TC2N: variants seen among roughly 807,000 people sequenced by gnomAD.
TC2N encodes the protein tandem C2 domains, nuclear, also known as tandem C2 domains nuclear protein.
Under a neutral mutation model 61.9 loss-of-function variants are expected in TC2N, and 51 were observed. The ratio of observed to expected loss-of-function variants is 0.82; its 90% CI spans 0.66 to 1.04. The LOEUF (loss-of-function observed/expected upper bound fraction) is 1.04, where lower values mean the gene tolerates loss of function less well. Ranked by LOEUF, TC2N falls within the 50% of genes least tolerant of loss-of-function variation. The pLI is 0.00. For missense variants in TC2N, 556 were observed against 566.7 expected (o/e 0.98, Z 0.19); for synonymous variants, 204 against 192.6 (o/e 1.06, Z -0.49).
chr14:91,853,458 T>C (rs1479083136), intron 1 of TC2N, among the ~76,000 whole-genome samples: 1 of 152,110 alleles, frequency 6.6e-6, no homozygotes, highest in Non-Finnish European at 1.5e-5. Flanking sequence ...CAAGACTCAA[T>C]AGTAGATGGT....
chr14:91,795,355 T>C (rs1465451441), intron 8 of TC2N, among the ~76,000 whole-genome samples: 3 of 152,132 alleles, frequency 2.0e-5, no homozygotes, highest in Admixed American at 6.5e-5. Context: ...TAAAATGCTA[T>C]CAAACAGCAT....
intron 2 of TC2N, among the ~76,000 whole-genome samples, chr14:91,813,137 A>G (rs1346883723): frequency 6.6e-6 from 1 of 151,816 alleles, no homozygotes; most frequent in African/African-American, 2.4e-5. Flanking sequence ...GCTCTGCTGT[A>G]GATTAGGAAA....
intron 7 of TC2N, 127 bp from the exon 8 acceptor site, chr14:91,798,028 T>C (rs753631762): frequency 3.2e-6 from 2 of 631,162 alleles, no homozygotes; most frequent in Non-Finnish European, 5.4e-6. Context: ...TGAGACCTCA[T>C]GTTGCATCCA....
intron 1 of TC2N, among the ~76,000 whole-genome samples, chr14:91,840,828 T>C (rs1286074090): frequency 6.6e-6 from 1 of 151,474 alleles, no homozygotes; most frequent in African/African-American, 2.4e-5. Context: ...CCTGGATAAC[T>C]GTTACCCACT....
chr14:91,822,743 C>G (rs1392978350), intron 1 of TC2N, among the ~76,000 whole-genome samples: 3 of 134,622 alleles, frequency 2.2e-5, no homozygotes, highest in Admixed American at 1.7e-4. Context: ...GAGACAGTGT[C>G]TCGCTCTGTC....
In TC2N at chr14:91,811,150, C is replaced by T. The variant is rs17127599; in HGVS notation, c.301+1162G>A. On this transcript the variant is annotated intron_variant, in intron 3 of 11. Coordinates refer to ENST00000435962, the MANE Select transcript of TC2N (RefSeq NM_001128596.3). ...CAAAAGAAGAAAACTGTAAAGAGAT[C>T]GTTGAACCCAGTAAATGATATATAT... Among the ~76,000 whole-genome samples the T allele has an allele frequency of 7.9e-3, 1,203 of 152,134 alleles. 22 individuals carry two copies. Among genetic ancestry groups the T allele is most frequent in the African/African-American group, 0.028 (1,143 of 41,526 alleles).
Position 91,781,877 on chromosome 14 carries a change from G to C in TC2N, c.*1223C>G, listed in dbSNP as rs1885148397. On this transcript the variant is annotated 3_prime_UTR_variant, in exon 12 of 12. Transcript: ENST00000435962. Reference sequence around the variant, plus strand: ...GAACATAGGAGCTGGAATAAAGAAGGCATGCTTAGGTTATAGCAAGGTATA... The same window carrying C: ...GAACATAGGAGCTGGAATAAAGAAGCCATGCTTAGGTTATAGCAAGGTATA... 1 of 151,994 alleles carries C rather than the reference G, an allele frequency of 6.6e-6. No individual in the cohort carries two copies. Among genetic ancestry groups the C allele is most frequent in the Non-Finnish European group, 1.5e-5 (1 of 67,930 alleles). The allele number at this position is 151,994 out of a possible 1,614,324, so 9.4% of individuals were successfully genotyped here. A position where few individuals can be genotyped will look rare whatever the true frequency, so the allele number is the denominator to read the frequency against.
intron 3 of TC2N, among the ~76,000 whole-genome samples, chr14:91,809,490 CAAAACT>C (rs1886671113): frequency 6.6e-6 from 1 of 151,962 alleles, no homozygotes; most frequent in African/African-American, 2.4e-5. Flanking sequence ...AACTCTAGAC[CAAAACT>C]AAAACAAAGC....
chr14:91,801,932 T>C (rs1213951288), intron 4 of TC2N, among the ~76,000 whole-genome samples: 1 of 152,158 alleles, frequency 6.6e-6, no homozygotes, highest in Admixed American at 6.5e-5. Context: ...ATATCCACTC[T>C]CTTAGCACTT....
intron 1 of TC2N, among the ~76,000 whole-genome samples, chr14:91,819,927 GATAAAATGGA>G (rs1259608698): frequency 6.6e-6 from 1 of 151,670 alleles, no homozygotes; most frequent in Non-Finnish European, 1.5e-5. Context: ...CAACAAAGGA[GATAAAATGGA>G]ATAATTTTAA....
intron 9 of TC2N, among the ~76,000 whole-genome samples, chr14:91,791,314 C>T (rs546472434): frequency 9.9e-5 from 15 of 151,944 alleles, no homozygotes; most frequent in African/African-American, 3.6e-4. Flanking sequence ...TTTTAAAGCT[C>T]CCAGATGATT....
intron 1 of TC2N, among the ~76,000 whole-genome samples, chr14:91,849,909 C>G (rs540401669): frequency 6.6e-6 from 1 of 151,932 alleles, no homozygotes; most frequent in Non-Finnish European, 1.5e-5. Flanking sequence ...ATTAGCTGGG[C>G]GTGGTGGCAT....
chr14:91,816,823 T>C (rs1013110352), intron 1 of TC2N, among the ~76,000 whole-genome samples: 4 of 151,918 alleles, frequency 2.6e-5, no homozygotes, highest in African/African-American at 9.7e-5. Context: ...CACATTAAAT[T>C]TCCATATGCA....
At position 91,856,214 on chromosome 14, in the gene TC2N, C is replaced by T. The variant is rs149188850; in HGVS notation, c.-57+11048G>A. On this transcript the variant is annotated intron_variant, in intron 1 of 11. Transcript: ENST00000435962. ...ATTCAAGATACTTTTAAGGGCCAGGCGTCCTGGCTCACACCTATAATCCCA... is the reference window on the plus strand; with the variant it reads ...ATTCAAGATACTTTTAAGGGCCAGGTGTCCTGGCTCACACCTATAATCCCA... Among the ~76,000 whole-genome samples the T allele has an allele frequency of 7.6e-4, 116 of 152,212 alleles. No homozygotes were observed. The East Asian group carries it at 8.7e-3, about 11-fold the overall frequency.
intron 1 of TC2N, among the ~76,000 whole-genome samples, chr14:91,841,524 G>T (rs1566787346): frequency 6.6e-6 from 1 of 152,158 alleles, no homozygotes; most frequent in African/African-American, 2.4e-5. Context: ...AGAGATTCTG[G>T]GAGGTTCTTG....
chr14:91,787,151 A>G (rs1041444419), intron 10 of TC2N, among the ~76,000 whole-genome samples: 3 of 152,142 alleles, frequency 2.0e-5, no homozygotes, highest in African/African-American at 7.2e-5. Flanking sequence ...ATTTTTTACA[A>G]TTAAGTTTCT....
At chr14:91,828,680 A>G (rs1205154008) in intron 1 of TC2N, among the ~76,000 whole-genome samples, 1 of 152,042 alleles carries the variant, frequency 6.6e-6, no homozygotes, top group Non-Finnish European at 1.5e-5. Context: ...CAGGTCTCTT[A>G]CCCAATAGAG....
intron 1 of TC2N, among the ~76,000 whole-genome samples, chr14:91,823,433 C>T (rs997939167): frequency 1.3e-5 from 2 of 151,506 alleles, no homozygotes; most frequent in African/African-American, 2.4e-5. Context: ...GGCAGGAGAA[C>T]CACTTGAACC....
chr14:91,830,805 T>G (rs1450524057), intron 1 of TC2N, among the ~76,000 whole-genome samples: 1 of 152,232 alleles, frequency 6.6e-6, no homozygotes, highest in Non-Finnish European at 1.5e-5. Context: ...GTCTGTTTGG[T>G]GGTCACAACT....
Sources: allele counts gnomAD v4.1 joint callset (sites outside exome capture counted in the v4.1 genomes callset), GRCh38; gene constraint gnomAD v4.1.1; transcripts MANE v1.5; gene names NCBI Gene and HGNC (gene_info 2026-07-23, HGNC 2026-07-21).